Variants in NRG3 observed in about 807,000 individuals in gnomAD.
NRG3 encodes neuregulin 3, also known as pro-neuregulin-3, membrane-bound isoform.
In NRG3, 31 loss-of-function variants were observed where a neutral mutation model predicts 66.9. The observed-to-expected ratio is 0.46, with a 90% CI of 0.35 to 0.63. NRG3 has a LOEUF of 0.63. Ranked by LOEUF, NRG3 falls within the 20% of genes least tolerant of loss-of-function variation. NRG3 has a pLI of 0.00. For missense variants in NRG3, 910 were observed against 878.9 expected (o/e 1.04, Z -0.45); for synonymous variants, 393 against 359.4 (o/e 1.09, Z -1.06).
At chr10:82,427,009 A>C (rs1316250337) in intron 2 of NRG3, among the ~76,000 whole-genome samples, 1 of 152,034 alleles carries the variant, frequency 6.6e-6, no homozygotes, top group Non-Finnish European at 1.5e-5. Context: ...TAGAAATATG[A>C]CTGATTTTTG....
chr10:82,291,267 C>T (rs550734299), intron 1 of NRG3, among the ~76,000 whole-genome samples: 4 of 152,086 alleles, frequency 2.6e-5, no homozygotes, highest in African/African-American at 4.8e-5. Flanking sequence ...GAGGAAAAGA[C>T]GTGATTAGAT....
At chr10:82,527,207 A>G (rs775508506) in intron 2 of NRG3, among the ~76,000 whole-genome samples, 31 of 152,160 alleles carry the variant, frequency 2.0e-4, no homozygotes, top group Admixed American at 2.0e-3. Flanking sequence ...TGGAGAAAAT[A>G]CAACATCTAC....
intron 2 of NRG3, among the ~76,000 whole-genome samples, chr10:82,672,995 C>T (rs555087927): frequency 1.3e-5 from 2 of 152,242 alleles, no homozygotes; most frequent in South Asian, 4.1e-4. Context: ...AGATGACCCA[C>T]CTGCCTCAGC....
intron 2 of NRG3, among the ~76,000 whole-genome samples, chr10:82,386,458 T>C (rs948989509): frequency 7.9e-5 from 12 of 152,176 alleles, no homozygotes; most frequent in African/African-American, 2.7e-4. Flanking sequence ...TCAGCCTAGG[T>C]CTCATTGTCA....
chr10:82,699,036 G>T (rs1460672997), intron 2 of NRG3, among the ~76,000 whole-genome samples: 4 of 152,126 alleles, frequency 2.6e-5, no homozygotes, highest in Admixed American at 2.6e-4. Context: ...GAGGAAGTGG[G>T]CTTTCCAAGG....
intron 1 of NRG3, among the ~76,000 whole-genome samples, chr10:82,305,462 A>G (rs533417507): frequency 3.9e-5 from 6 of 152,172 alleles, no homozygotes; most frequent in South Asian, 2.1e-4. Context: ...TATAAGCATC[A>G]TGATAAGATA....
intron 2 of NRG3, among the ~76,000 whole-genome samples, chr10:82,519,697 A>G (rs1846013714): frequency 6.6e-6 from 1 of 152,184 alleles, no homozygotes; most frequent in South Asian, 2.1e-4. Context: ...CAGAAGAAAT[A>G]TGTGGTTTTA....
intron 1 of NRG3, among the ~76,000 whole-genome samples, chr10:81,932,650 T>C (rs1171472377): frequency 6.6e-6 from 1 of 152,158 alleles, no homozygotes; most frequent in African/African-American, 2.4e-5. Context: ...TTCAATTACC[T>C]TTAAGCAAAA....
chr10:82,259,508 C>T (rs1055606767), intron 1 of NRG3, among the ~76,000 whole-genome samples: 11 of 151,856 alleles, frequency 7.2e-5, no homozygotes, highest in Non-Finnish European at 1.2e-4. Context: ...GATGGCACAC[C>T]GTAGTAATCA....
At chr10:82,620,106 A>G (rs1345951771) in intron 2 of NRG3, among the ~76,000 whole-genome samples, 4 of 152,188 alleles carry the variant, frequency 2.6e-5, no homozygotes, top group African/African-American at 9.7e-5. Context: ...GATGGTGCCT[A>G]GGTGGGGGTG....
intron 1 of NRG3, among the ~76,000 whole-genome samples, chr10:82,012,938 C>A (rs1178294258): frequency 6.6e-6 from 1 of 152,168 alleles, no homozygotes; most frequent in Non-Finnish European, 1.5e-5. Flanking sequence ...ATTTTTCTGT[C>A]TTCTTCTGAG....
intron 1 of NRG3, among the ~76,000 whole-genome samples, chr10:81,923,582 G>C (rs141904123): frequency 6.6e-6 from 1 of 152,252 alleles, no homozygotes; most frequent in East Asian, 1.9e-4. Flanking sequence ...CTGAGCCCCA[G>C]CTTTGTTTTC....
intron 1 of NRG3, among the ~76,000 whole-genome samples, chr10:82,057,591 G>A (rs1462042749): frequency 6.6e-6 from 1 of 152,132 alleles, no homozygotes; most frequent in Non-Finnish European, 1.5e-5. Context: ...AGAGGCCTTA[G>A]CAATCTATAA....
rs184335767 is a variant in NRG3 at position 82,550,001 on chromosome 10, T to C, written c.954-188576T>C. Among the ~76,000 whole-genome samples the C allele has an allele frequency of 5.3e-5, 8 of 152,234 alleles. No homozygotes were observed. In the East Asian group the frequency reaches 1.4e-3, roughly 26 times the overall value. On this transcript the variant is annotated intron_variant, in intron 2 of 8. Coordinates refer to ENST00000372141, the MANE Select transcript of NRG3 (RefSeq NM_001010848.4). ...TTGGTAAAAATAAGGATTGTGTTGCTGGAGGCAGCAAAACATATTTTCCCT... is the reference window on the plus strand; with the variant it reads ...TTGGTAAAAATAAGGATTGTGTTGCCGGAGGCAGCAAAACATATTTTCCCT...
At chr10:82,556,730 C>T (rs770670948) in intron 2 of NRG3, among the ~76,000 whole-genome samples, 13 of 152,088 alleles carry the variant, frequency 8.5e-5, no homozygotes, top group South Asian at 6.2e-4. Context: ...AGAGATTATT[C>T]CATCACCCAG....
At chr10:82,944,185 C>A (rs1211970109) in intron 4 of NRG3, among the ~76,000 whole-genome samples, 1 of 152,062 alleles carries the variant, frequency 6.6e-6, no homozygotes, top group African/African-American at 2.4e-5. Flanking sequence ...AACTCAGAAC[C>A]TTTTTTTATT....
chr10:82,230,557 T>G (rs2076404981), intron 1 of NRG3, among the ~76,000 whole-genome samples: 1 of 151,706 alleles, frequency 6.6e-6, no homozygotes, highest in African/African-American at 2.4e-5. Context: ...CATGAAATAC[T>G]GCTCAGAATC....
intron 2 of NRG3, among the ~76,000 whole-genome samples, chr10:82,643,558 C>T (rs1029468097): frequency 2.7e-4 from 41 of 152,010 alleles, no homozygotes; most frequent in African/African-American, 9.2e-4. Flanking sequence ...TATATTATTG[C>T]TTATTAAATA....
intron 2 of NRG3, among the ~76,000 whole-genome samples, chr10:82,384,210 T>C (rs1464908343): frequency 6.6e-6 from 1 of 152,138 alleles, no homozygotes; most frequent in East Asian, 1.9e-4. Context: ...TTAAGTTGTT[T>C]GGGTTTTTCT....
Sources: gnomAD v4.1 joint callset for allele counts (sites outside exome capture counted in the v4.1 genomes callset) on GRCh38, gnomAD v4.1.1 for gene constraint, MANE v1.5 for transcripts, NCBI Gene and HGNC (gene_info 2026-07-23, HGNC 2026-07-21) for gene names.